The following ULK4 variants were observed in gnomAD, a reference collection of about 807,000 sequenced individuals.
The protein encoded by ULK4 is inactive serine/threonine-protein kinase ULK4.
A neutral mutation model predicts 160.6 loss-of-function variants in ULK4; 133 were observed. The observed-to-expected ratio is 0.83, with a 90% confidence interval of 0.72 to 0.96. The LOEUF (loss-of-function observed/expected upper bound fraction) is 0.96, where lower values mean the gene tolerates loss of function less well. Among genes scored for constraint, ULK4 ranks in the 40% least tolerant of loss-of-function variants. The pLI is 0.00. For synonymous variants in ULK4, 534 were observed against 539.8 expected, an observed-to-expected ratio of 0.99 and a Z score of 0.15; for missense variants, 1,580 against 1,499.5, an observed-to-expected ratio of 1.05 and a Z score of -0.89.
At chr3:41,894,825 T>C (rs1359362415) in intron 16 of ULK4, among the ~76,000 whole-genome samples, 6 of 152,062 alleles carry the variant, frequency 3.9e-5, no homozygotes, top group Non-Finnish European at 7.4e-5. Flanking sequence ...GAAGCAGAGA[T>C]TGAGAAAAAG....
chr3:41,281,209 A>C (rs945121788), intron 35 of ULK4, among the ~76,000 whole-genome samples: 8 of 152,332 alleles, frequency 5.3e-5, no homozygotes, highest in Admixed American at 1.3e-4. Context: ...TCATACCAGA[A>C]TTCTACTAGA....
At chr3:41,717,895 T>A in intron 22 of ULK4, 34 bp from the exon 23 acceptor site, 1 of 1,598,224 alleles carries the variant, frequency 6.3e-7, no homozygotes, top group Non-Finnish European at 8.6e-7. Flanking sequence ...TTACCTCTCA[T>A]GATAAAACAC....
At chr3:41,534,472 T>A (rs2086423777) in intron 32 of ULK4, among the ~76,000 whole-genome samples, 1 of 150,690 alleles carries the variant, frequency 6.6e-6, no homozygotes, top group Admixed American at 6.6e-5. Flanking sequence ...TTACTTTTTT[T>A]TATAATTCTC....
intron 34 of ULK4, among the ~76,000 whole-genome samples, chr3:41,407,343 CTGAACTCAT>C (rs1394426093): frequency 6.6e-6 from 1 of 152,130 alleles, no homozygotes; most frequent in African/African-American, 2.4e-5. Context: ...GGGAACACTT[CTGAACTCAT>C]TCTCTGAGGT....
chr3:41,886,646 G>A (rs1306079461), intron 16 of ULK4, among the ~76,000 whole-genome samples: 11 of 151,176 alleles, frequency 7.3e-5, no homozygotes, highest in Non-Finnish European at 1.6e-4. Flanking sequence ...CACAATCTCA[G>A]CTCACTGCAC....
rs1422985514 is a variant in ULK4 at position 41,721,348 on chromosome 3, ATATATATATATATATT to A, written c.2322-3503_2322-3488del. Among the ~76,000 whole-genome samples the A allele has an allele frequency of 5.7e-5, 3 of 52,904 alleles. No individual in the cohort carries two copies. In the East Asian group the frequency reaches 1.4e-3, roughly 24 times the overall value. The allele number at this position is 52,904 out of a possible 152,430, so 34.7% of individuals were successfully genotyped here. A position where few individuals can be genotyped will look rare whatever the true frequency, so the allele number is the denominator to read the frequency against. ...TTTTAATGTAAATATATATATATAT[ATATATATATATATATT>A]TTTTTTTTTTTTTTTTTGAAACGGA... is the stretch of plus-strand genomic sequence containing the variant. On this transcript the variant is annotated intron_variant, in intron 22 of 36. Transcript: ENST00000301831.
intron 35 of ULK4, among the ~76,000 whole-genome samples, chr3:41,355,860 T>A (rs2081019736): frequency 6.6e-6 from 1 of 152,204 alleles, no homozygotes; most frequent in Non-Finnish European, 1.5e-5. Context: ...TGTCTCATAT[T>A]TTATACTGTT....
chr3:41,908,850 T>C (rs1698669973), intron 11 of ULK4, among the ~76,000 whole-genome samples: 1 of 152,040 alleles, frequency 6.6e-6, no homozygotes, highest in African/African-American at 2.4e-5. Flanking sequence ...CCCAGCACTT[T>C]GGGAGGCCGA....
rs754173249 is a variant in ULK4, at chr3:41,398,265, C to G, written c.3493-1G>C. 3.1e-6 allele frequency: 5 copies of G among 1,610,620 alleles called. No homozygotes were observed. The highest frequency in any genetic ancestry group is 4.2e-6 in the Non-Finnish European group (5 of 1,178,948). Reference sequence around the variant, plus strand: ...AAATCTCAGGATCTTCATTAGGAAGCTGAAAATTAACAAATAAGACTATTT... The same window carrying G: ...AAATCTCAGGATCTTCATTAGGAAGGTGAAAATTAACAAATAAGACTATTT... On this transcript the variant is annotated splice_acceptor_variant, in intron 34 of 36. Coordinates refer to ENST00000301831, the MANE Select transcript of ULK4 (RefSeq NM_017886.4). LOFTEE classifies it high-confidence loss of function.
chr3:41,297,124 G>A (rs1264165351), intron 35 of ULK4, among the ~76,000 whole-genome samples: 1 of 152,154 alleles, frequency 6.6e-6, no homozygotes, highest in African/African-American at 2.4e-5. Flanking sequence ...TTGCTTCACT[G>A]AAGCCCATCC....
intron 9 of ULK4, 85 bp downstream of exon 9, chr3:41,912,720 CCA>C: frequency 8.8e-7 from 1 of 1,142,016 alleles, no homozygotes; most frequent in South Asian, 1.6e-5. Context: ...CAGAGAAATT[CCA>C]GTCATTGATG....
chr3:41,274,467 G>A (rs548949513), intron 35 of ULK4, among the ~76,000 whole-genome samples: 1 of 152,146 alleles, frequency 6.6e-6, no homozygotes, highest in Non-Finnish European at 1.5e-5. Context: ...ATCTGACTCT[G>A]ATACACATCA....
Position 41,407,091 on chromosome 3 carries a change from TAA to T in ULK4, c.3493-8829_3493-8828del, listed in dbSNP as rs200587264. ...TATAGGACAAGGCAGCTAGAGTTGA[TAA>T]GACAAAGTAACAGAGAGAAGAAAGC... On this transcript the variant is annotated intron_variant, in intron 34 of 36. Transcript: ENST00000301831. 2.4e-3 allele frequency among the ~76,000 whole-genome samples: 367 copies of T among 152,184 alleles called. 2 individuals carry two copies. Among genetic ancestry groups the T allele is most frequent in the East Asian group, 0.015 (78 of 5,178 alleles).
chr3:41,934,069 A>T (rs185441656), intron 4 of ULK4, among the ~76,000 whole-genome samples: 20 of 152,254 alleles, frequency 1.3e-4, no homozygotes, highest in East Asian at 5.8e-4. Context: ...AAAAAATTTT[A>T]AAAATGTGGT....
At chr3:41,315,793 A>G (rs1362651837) in intron 35 of ULK4, among the ~76,000 whole-genome samples, 4 of 152,182 alleles carry the variant, frequency 2.6e-5, no homozygotes, top group Non-Finnish European at 4.4e-5. Flanking sequence ...TAGATGCTCA[A>G]TATCATTAGC....
intron 21 of ULK4, among the ~76,000 whole-genome samples, chr3:41,758,257 C>G (rs988975182): frequency 2.0e-5 from 3 of 152,106 alleles, no homozygotes; most frequent in African/African-American, 4.8e-5. Flanking sequence ...ATAAATTACC[C>G]CGTCTAAGGT....
At chr3:41,534,953 A>G (rs1291249861) in intron 32 of ULK4, among the ~76,000 whole-genome samples, 1 of 152,204 alleles carries the variant, frequency 6.6e-6, no homozygotes, top group Non-Finnish European at 1.5e-5. Context: ...ATATCAAACT[A>G]TATGTATGTG....
chr3:41,448,315 G>A (rs1565958), intron 34 of ULK4, among the ~76,000 whole-genome samples: 31,677 of 151,994 alleles, frequency 0.21, 3,840 homozygotes, highest in East Asian at 0.57. Context: ...AAGTGACAAT[G>A]AAGCCAAGAC....
intron 20 of ULK4, among the ~76,000 whole-genome samples, chr3:41,799,698 C>CA (rs2040399418): frequency 6.6e-6 from 1 of 151,882 alleles, no homozygotes; most frequent in Non-Finnish European, 1.5e-5. Context: ...CCCATCTCTA[C>CA]AAAAATACAA....
Sources: allele counts gnomAD v4.1 joint callset (sites outside exome capture counted in the v4.1 genomes callset), GRCh38; gene constraint gnomAD v4.1.1; transcripts MANE v1.5; gene names NCBI Gene and HGNC (gene_info 2026-07-23, HGNC 2026-07-21).